Variants in TEX15 observed in about 807,000 individuals in gnomAD.
The protein encoded by TEX15 is testis expressed 15, meiosis and synapsis associated.
In TEX15, 171 loss-of-function variants were observed where a neutral mutation model predicts 237.3. The ratio of observed to expected loss-of-function variants is 0.72; its 90% CI spans 0.64 to 0.82. The LOEUF (loss-of-function observed/expected upper bound fraction) is 0.82, where lower values mean the gene tolerates loss of function less well. Among genes scored for constraint, TEX15 ranks in the 40% least tolerant of loss-of-function variants. The probability of loss-of-function intolerance (pLI) is 0.00; values close to 1 mark genes in which losing one functional copy is unlikely to be tolerated. For missense variants in TEX15, 3,750 were observed against 3,646.5 expected (o/e 1.03, Z -0.73); for synonymous variants, 1,338 against 1,269.8 (o/e 1.05, Z -1.14).
chr8:30,844,263 A>G lies in TEX15; in HGVS notation c.5904T>C (p.Cys1968=). Residue 1968 remains cysteine, a synonymous_variant, in exon 8 of 11, where the codon TGT becomes TGC. Transcript: ENST00000643185. ...TPILPAHSET[C]KVPTLLKKPA... ...GTTTCTTCAGAAGAGTAGGGACTTT[A>G]CAGGTTTCAGAGTGGGCAGGTAAAA... The G allele has an allele frequency of 6.2e-7, 1 of 1,613,308 alleles. No homozygotes were observed. Among genetic ancestry groups the G allele is most frequent in the East Asian group, 2.2e-5 (1 of 44,862 alleles).
At chr8:30,888,623 G>GT (rs1356583595) in intron 2 of TEX15, 2 of 1,289,258 alleles carry the variant, frequency 1.6e-6, no homozygotes, top group East Asian at 5.5e-5. Context: ...ATATAAGCAG[G>GT]TATTTTTCGT....
At chr8:30,880,376 G>A (rs1005424749) in intron 3 of TEX15, among the ~76,000 whole-genome samples, 9 of 152,142 alleles carry the variant, frequency 5.9e-5, no homozygotes, top group Non-Finnish European at 1.3e-4. Flanking sequence ...TTATTTCCAT[G>A]TGTTCTTTGC....
Position 30,837,017 on chromosome 8 carries a change from A to C in TEX15, c.9267T>G (p.Ser3089=), listed in dbSNP as rs1230776928. Residue 3089 remains serine, a synonymous_variant, in exon 10 of 11, where the codon TCT becomes TCG. Coordinates refer to ENST00000643185, the MANE Select transcript of TEX15 (RefSeq NM_001350162.2). ...TVASTAQGTH[S]NLLYSQYFTY... ...TAAAATATTGAGAGTACAGAAGATT[A>C]GAATGTGTGCCCTGGGCAGTACTTG... 6.2e-7 allele frequency: 1 copy of C among 1,614,046 alleles called. No homozygotes were observed.
chr8:30,908,883 T>C (rs1310856593), intron 1 of TEX15, among the ~76,000 whole-genome samples: 1 of 152,222 alleles, frequency 6.6e-6, no homozygotes, highest in African/African-American at 2.4e-5. Context: ...CAAGTCCATG[T>C]ATCCTAAGAA....
Position 30,875,186 on chromosome 8 carries a change from C to T in TEX15, c.137-84G>A, listed in dbSNP as rs1384850875. 4.4e-6 allele frequency: 4 copies of T among 902,206 alleles called. No homozygotes were observed. In the African/African-American group the frequency reaches 6.9e-5, roughly 16 times the overall value. 55.9% of individuals were successfully genotyped at this position (902,206 alleles called of 1,614,324 possible). The stretch of plus-strand genomic sequence containing the variant: ...CAATGACAACTGTATCTCTAAGACA[C>T]AAAATAACTAAGTACTGGAATTTTC... On this transcript the variant is annotated intron_variant, in intron 3 of 10. Transcript: ENST00000643185.
chr8:30,839,878 T>TC, intron 9 of TEX15, 28 bp downstream of exon 9: 1 of 1,540,504 alleles, frequency 6.5e-7, no homozygotes, highest in African/African-American at 1.4e-5. Flanking sequence ...CAATTTTTTT[T>TC]CCACATAGGG....
intron 3 of TEX15, among the ~76,000 whole-genome samples, chr8:30,879,424 A>T (rs1022844272): frequency 6.6e-6 from 1 of 152,202 alleles, no homozygotes; most frequent in African/African-American, 2.4e-5. Context: ...TTTACATTTA[A>T]GCCCAAGGTT....
In TEX15 at chr8:30,854,697, C is replaced by T. The variant is rs534247045; in HGVS notation, c.850+3971G>A. Among the ~76,000 whole-genome samples, 14 of 152,096 alleles carry T rather than the reference C, an allele frequency of 9.2e-5. No homozygotes were observed. In the East Asian group the frequency reaches 1.4e-3, roughly 15 times the overall value. ...ACCAGACAAAGACATCACAAAAAAT[C>T]GACAGACCAGTATCTCTTACAAATA... is the stretch of plus-strand genomic sequence containing the variant. On this transcript the variant is annotated intron_variant, in intron 7 of 10. Transcript: ENST00000643185.
intron 3 of TEX15, among the ~76,000 whole-genome samples, chr8:30,880,024 G>A (rs1808485183): frequency 6.6e-6 from 1 of 151,398 alleles, no homozygotes; most frequent in Non-Finnish European, 1.5e-5. Context: ...TCATTTTAAG[G>A]TTATTATCTT....
At chr8:30,894,956 C>T (rs28473769) in intron 2 of TEX15, among the ~76,000 whole-genome samples, 3,306 of 152,172 alleles carry the variant, frequency 0.022, 115 homozygotes, top group African/African-American at 0.075. Context: ...AGTCCCTCAC[C>T]AGCTACCAAA....
intron 1 of TEX15, among the ~76,000 whole-genome samples, chr8:30,911,601 T>G (rs1358137395): frequency 1.3e-5 from 2 of 152,214 alleles, no homozygotes; most frequent in Admixed American, 1.3e-4. Context: ...AAGCAATCAG[T>G]GCACTTAGGG....
intron 10 of TEX15, among the ~76,000 whole-genome samples, chr8:30,836,599 A>G (rs1807305758): frequency 6.6e-6 from 1 of 152,166 alleles, no homozygotes; most frequent in Non-Finnish European, 1.5e-5. Context: ...CATATTAGTG[A>G]TACTGACAGT....
intron 4 of TEX15, among the ~76,000 whole-genome samples, chr8:30,870,742 C>T (rs1304369115): frequency 6.6e-6 from 1 of 152,014 alleles, no homozygotes; most frequent in Admixed American, 6.6e-5. Flanking sequence ...GTGCTAATGC[C>T]ACCCAACTCC....
At chr8:30,838,504 T>C (rs1013848090) in intron 9 of TEX15, among the ~76,000 whole-genome samples, 1 of 151,922 alleles carries the variant, frequency 6.6e-6, no homozygotes, top group Non-Finnish European at 1.5e-5. Flanking sequence ...CTCTCTGTTA[T>C]AACAGACTAA....
Position 30,848,573 on chromosome 8 carries a change from A to G in TEX15, c.1594T>C (p.Cys532Arg), listed in dbSNP as rs2128768410. 1.2e-6 allele frequency: 2 copies of G among 1,614,106 alleles called. No homozygotes were observed. Among genetic ancestry groups the G allele is most frequent in the South Asian group, 1.1e-5 (1 of 91,084 alleles). Residue 532 changes from cysteine to arginine, a missense_variant, in exon 8 of 11, where the codon TGT becomes CGT. Transcript: ENST00000643185. ...PPNKVTMAGQ[C>R]KDQGNFSFPI... The stretch of plus-strand genomic sequence containing the variant: ...AAGGAAAAATTACCTTGGTCCTTAC[A>G]TTGCCCTGCCATGGTAACTTTATTG...
chr8:30,903,962 T>C (rs1809050812), intron 1 of TEX15, among the ~76,000 whole-genome samples: 2 of 152,160 alleles, frequency 1.3e-5, no homozygotes, highest in Admixed American at 6.6e-5. Context: ...CTCAAACAGA[T>C]GGAAATTATA....
At chr8:30,867,529 G>A (rs1468868850) in intron 4 of TEX15, 27 bp from the exon 5 acceptor site, 1 of 1,364,256 alleles carries the variant, frequency 7.3e-7, no homozygotes, top group Non-Finnish European at 1.0e-6. Context: ...AATGTATACA[G>A]TTAAAGATAA....
chr8:30,883,702 T>C (rs1808586486), intron 3 of TEX15, among the ~76,000 whole-genome samples: 1 of 152,234 alleles, frequency 6.6e-6, no homozygotes, highest in African/African-American at 2.4e-5. Flanking sequence ...TATGGCCGCA[T>C]ATTCCATGAT....
chr8:30,895,676 C>CTTTTTTTTTTTTTTTTT lies in TEX15; in HGVS notation c.-10+3049_-10+3065dup, dbSNP rs34002027. 5.7e-4 allele frequency among the ~76,000 whole-genome samples: 34 copies of CTTTTTTTTTTTTTTTTT among 60,048 alleles called. 8 individuals are homozygous for CTTTTTTTTTTTTTTTTT. Among genetic ancestry groups the CTTTTTTTTTTTTTTTTT allele is most frequent in the African/African-American group, 2.1e-3 (26 of 12,340 alleles). 39.4% of individuals were successfully genotyped at this position (60,048 alleles called of 152,430 possible). ...CATGTCAACACCTTTTAAACACATG[C>CTTTTTTTTTTTTTTTTT]TTTTTTTTTTTTTTTTTTTTTTTTG... On this transcript the variant is annotated intron_variant, in intron 2 of 10. Coordinates refer to ENST00000643185, the MANE Select transcript of TEX15 (RefSeq NM_001350162.2).
Sources: allele counts gnomAD v4.1 joint callset (sites outside exome capture counted in the v4.1 genomes callset), GRCh38; gene constraint gnomAD v4.1.1; transcripts MANE v1.5; gene names NCBI Gene and HGNC (gene_info 2026-07-23, HGNC 2026-07-21).